Variants in SH3RF3 observed in about 807,000 individuals in gnomAD.
SH3RF3 encodes the protein SH3 domain containing ring finger 3.
Under a neutral mutation model 66.3 loss-of-function variants are expected in SH3RF3, and 29 were observed. The ratio of observed to expected loss-of-function variants is 0.44; its 90% CI spans 0.33 to 0.60. The LOEUF is 0.60. SH3RF3 is among the 20% of genes least tolerant of loss of function. The probability of loss-of-function intolerance (pLI) is 0.04; values close to 1 mark genes in which losing one functional copy is unlikely to be tolerated. For missense variants in SH3RF3, 1,194 were observed against 1,190.9 expected (o/e 1.00, Z -0.04); for synonymous variants, 583 against 532.0 (o/e 1.10, Z -1.32).
Position 109,398,784 on chromosome 2 carries a change from C to T in SH3RF3, c.1140C>T (p.His380=). 2 of 1,613,830 alleles carry T rather than the reference C, an allele frequency of 1.2e-6. No individual in the cohort carries two copies. Among genetic ancestry groups the T allele is most frequent in the Non-Finnish European group, 1.7e-6 (2 of 1,179,838 alleles). ...VDGKKNTKKR[H]SFTALSVTHR... is the part of the protein sequence containing the mutation. ...GCAAGAAGAACACCAAGAAACGCCA[C>T]TCCTTCACCGCGCTCAGTGTGACGC... Residue 380 remains histidine, a synonymous_variant, in exon 4 of 10, where the codon CAC becomes CAT. Coordinates refer to ENST00000309415, the MANE Select transcript of SH3RF3 (RefSeq NM_001099289.3).
chr2:109,174,243 T>C (rs1677867064), intron 1 of SH3RF3, among the ~76,000 whole-genome samples: 1 of 152,250 alleles, frequency 6.6e-6, no homozygotes, highest in Admixed American at 6.5e-5. Context: ...ATCACAGTTT[T>C]ATCTATGACT....
chr2:109,287,274 T>C (rs1681049861), intron 1 of SH3RF3, among the ~76,000 whole-genome samples: 1 of 152,156 alleles, frequency 6.6e-6, no homozygotes, highest in African/African-American at 2.4e-5. Context: ...GTGTAGTGTT[T>C]TGTGGTCACA....
intron 1 of SH3RF3, among the ~76,000 whole-genome samples, chr2:109,206,572 G>A (rs868117835): frequency 1.8e-4 from 28 of 151,704 alleles, no homozygotes; most frequent in Middle Eastern, 3.4e-3. Context: ...AGTTTGGGAG[G>A]TCAAGGAGGG....
Position 109,503,114 on chromosome 2 carries a change from T to C in SH3RF3, c.*1443T>C, listed in dbSNP as rs1447559859. ...ATGGCTCACTTCCCAGGAAGACTGA[T>C]CAGGAGCCCTTCAGGGACAATTTTG... On this transcript the variant is annotated 3_prime_UTR_variant, in exon 10 of 10. Coordinates refer to ENST00000309415, the MANE Select transcript of SH3RF3 (RefSeq NM_001099289.3). 1.6e-4 allele frequency: 25 copies of C among 152,184 alleles called. No homozygotes were observed. The highest frequency in any genetic ancestry group is 1.6e-3 in the Admixed American group (24 of 15,280). The allele number at this position is 152,184 out of a possible 1,614,324, so 9.4% of individuals were successfully genotyped here. A position where few individuals can be genotyped will look rare whatever the true frequency, so the allele number is the denominator to read the frequency against.
chr2:109,244,057 G>A (rs2105230588), intron 1 of SH3RF3, among the ~76,000 whole-genome samples: 1 of 152,278 alleles, frequency 6.6e-6, no homozygotes, highest in African/African-American at 2.4e-5. Context: ...TGTAGCGAGG[G>A]TATTTTCTCT....
intron 1 of SH3RF3, among the ~76,000 whole-genome samples, chr2:109,332,297 T>A (rs1682307394): frequency 6.6e-6 from 1 of 152,242 alleles, no homozygotes; most frequent in Non-Finnish European, 1.5e-5. Flanking sequence ...AACTCTCTCC[T>A]GAGAGAGCTC....
At chr2:109,297,994 G>A (rs917818205) in intron 1 of SH3RF3, among the ~76,000 whole-genome samples, 2 of 152,168 alleles carry the variant, frequency 1.3e-5, no homozygotes, top group African/African-American at 4.8e-5. Context: ...CCTTGGGTTT[G>A]CGCCTCAGCT....
At chr2:109,176,309 C>T (rs1677913123) in intron 1 of SH3RF3, among the ~76,000 whole-genome samples, 1 of 152,168 alleles carries the variant, frequency 6.6e-6, no homozygotes, top group Admixed American at 6.5e-5. Flanking sequence ...AAGGTTATTT[C>T]ATTGAGGGCT....
At chr2:109,199,624 G>GTAACCCA (rs1211318128) in intron 1 of SH3RF3, among the ~76,000 whole-genome samples, 1 of 104 alleles carries the variant, frequency 9.6e-3, no homozygotes, top group African/African-American at 0.029. Flanking sequence ...GAATGGAATG[G>GTAACCCA]AATGGAATGG....
intron 8 of SH3RF3, among the ~76,000 whole-genome samples, chr2:109,460,257 A>G (rs965441439): frequency 2.6e-5 from 4 of 152,106 alleles, no homozygotes; most frequent in Non-Finnish European, 4.4e-5. Flanking sequence ...ATCCATATCT[A>G]GAGTGAATAG....
At chr2:109,353,257 C>T (rs1360387945) in intron 2 of SH3RF3, among the ~76,000 whole-genome samples, 5 of 152,244 alleles carry the variant, frequency 3.3e-5, no homozygotes, top group African/African-American at 1.2e-4. Flanking sequence ...GTTCTCCCTG[C>T]AGCCGAGCCC....
chr2:109,241,407 G>C (rs1050419520), intron 1 of SH3RF3, among the ~76,000 whole-genome samples: 2 of 152,220 alleles, frequency 1.3e-5, no homozygotes, highest in East Asian at 3.8e-4. Flanking sequence ...TATGGGTATA[G>C]ATGCATTGGG....
chr2:109,423,613 G>A (rs1212698996), intron 5 of SH3RF3, among the ~76,000 whole-genome samples: 1 of 152,180 alleles, frequency 6.6e-6, no homozygotes, highest in East Asian at 1.9e-4. Context: ...ATAAGTCCCT[G>A]CCAGGCTTGG....
chr2:109,501,300 G>A lies in SH3RF3; in HGVS notation c.2481-203G>A, dbSNP rs1679378241. Among the ~76,000 whole-genome samples the A allele has an allele frequency of 1.3e-5, 2 of 152,160 alleles. 1 individual carries two copies. The highest frequency in any genetic ancestry group is 1.3e-4 in the Admixed American group (2 of 15,276). On this transcript the variant is annotated intron_variant, in intron 9 of 9. Transcript: ENST00000309415. ...TCAGCGTCTAAAAGGACAGCAGGGG[G>A]AAATGCCTTTTAAATTTTTTTTATT...
intron 1 of SH3RF3, among the ~76,000 whole-genome samples, chr2:109,149,701 G>C (rs1041719955): frequency 2.6e-5 from 4 of 152,218 alleles, no homozygotes; most frequent in African/African-American, 9.7e-5. Context: ...AGATAGTCTG[G>C]CCTCGTGGTG....
At chr2:109,143,594 G>T (rs759980192) in intron 1 of SH3RF3, among the ~76,000 whole-genome samples, 4 of 151,768 alleles carry the variant, frequency 2.6e-5, no homozygotes, top group Non-Finnish European at 4.4e-5. Context: ...AATAAAAAAA[G>T]AAAAAAAGAA....
At chr2:109,422,378 C>G (rs1676905556) in intron 5 of SH3RF3, among the ~76,000 whole-genome samples, 1 of 152,222 alleles carries the variant, frequency 6.6e-6, no homozygotes, top group African/African-American at 2.4e-5. Context: ...TGCACTGAAA[C>G]ATGAGCCCTT....
intron 7 of SH3RF3, among the ~76,000 whole-genome samples, chr2:109,440,893 A>G (rs1054866361): frequency 6.6e-6 from 1 of 152,160 alleles, no homozygotes; most frequent in African/African-American, 2.4e-5. Flanking sequence ...GATTAGTGCT[A>G]ACAGTGCCCA....
intron 7 of SH3RF3, among the ~76,000 whole-genome samples, chr2:109,439,003 G>A (rs1677490334): frequency 6.6e-6 from 1 of 152,180 alleles, no homozygotes; most frequent in Non-Finnish European, 1.5e-5. Context: ...CCAGTGCAGT[G>A]GCCCTGGGTT....
Sources: allele counts gnomAD v4.1 joint callset (sites outside exome capture counted in the v4.1 genomes callset), GRCh38; gene constraint gnomAD v4.1.1; transcripts MANE v1.5; gene names NCBI Gene and HGNC (gene_info 2026-07-23, HGNC 2026-07-21).